The following SNRPN variants were observed in gnomAD, a reference collection of about 807,000 sequenced individuals.
SNRPN encodes the protein small nuclear ribonucleoprotein polypeptide N, also known as small nuclear ribonucleoprotein-associated protein N.
A neutral mutation model predicts 25.2 loss-of-function variants in SNRPN; 7 were observed. The observed-to-expected ratio is 0.28, with a 90% CI of 0.16 to 0.52. The LOEUF is 0.52. SNRPN is among the 20% of genes least tolerant of loss of function. SNRPN has a pLI of 0.96. For synonymous variants in SNRPN, 124 were observed against 110.6 expected (o/e 1.12, Z -0.76); for missense variants, 196 against 322.5 (o/e 0.61, Z 3.00).
intron 2 of SNRPN, among the ~76,000 whole-genome samples, chr15:24,838,406 G>C (rs946725213): frequency 3.9e-5 from 6 of 152,050 alleles, no homozygotes; most frequent in African/African-American, 1.5e-4. Flanking sequence ...AGTTTATAGA[G>C]TTTCAACAAA....
chr15:24,885,819 A>G (rs1171030555), intron 1 of SNRPN, among the ~76,000 whole-genome samples: 1 of 151,350 alleles, frequency 6.6e-6, no homozygotes, highest in Non-Finnish European at 1.5e-5. Context: ...CCATATTTTT[A>G]CTATCAGGAT....
At chr15:24,955,154 C>A in intron 1 of SNRPN, 92 bp downstream of exon 1, 1 of 1,548,406 alleles carries the variant, frequency 6.5e-7, no homozygotes. Flanking sequence ...ACTTGGAGTA[C>A]TGAATAAACG....
At chr15:24,977,723 T>G in intron 7 of SNRPN, 55 bp from the exon 8 acceptor site, 1 of 1,496,696 alleles carries the variant, frequency 6.7e-7, no homozygotes, top group Non-Finnish European at 9.0e-7. Context: ...TTTTCTGTGT[T>G]TGAATAATGT....
In SNRPN at chr15:24,978,507, GTGTT is replaced by G. The variant is rs2077318570; in HGVS notation, c.*67_*70del. 4 of 1,444,302 alleles carry G rather than the reference GTGTT, an allele frequency of 2.8e-6. No individual in the cohort carries two copies. Among genetic ancestry groups the G allele is most frequent in the East Asian group, 2.3e-5 (1 of 44,092 alleles). The allele number at this position is 1,444,302 out of a possible 1,614,324, so 89.5% of individuals were successfully genotyped here. On this transcript the variant is annotated 3_prime_UTR_variant, in exon 10 of 10. Coordinates refer to ENST00000390687, the MANE Select transcript of SNRPN (RefSeq NM_003097.6). Reference sequence around the variant, plus strand: ...AATGCGTCTTGTGAAATTGTGTAGAGTGTTTGTGAGCTTTTTGTTCCCTCATTCT... The same window carrying G: ...AATGCGTCTTGTGAAATTGTGTAGAGTGTGAGCTTTTTGTTCCCTCATTCT...
chr15:24,910,399 C>T (rs2059136773), intron 2 of SNRPN, among the ~76,000 whole-genome samples: 1 of 152,104 alleles, frequency 6.6e-6, no homozygotes, highest in African/African-American at 2.4e-5. Context: ...AGGAGGGTTG[C>T]TTCAGCACAG....
chr15:24,956,634 G>T (rs1472560359), intron 1 of SNRPN, among the ~76,000 whole-genome samples: 12 of 152,218 alleles, frequency 7.9e-5, no homozygotes, highest in Non-Finnish European at 1.8e-4. Flanking sequence ...TGCCTGGAAG[G>T]AATGGCAGCC....
chr15:24,971,251 C>T (rs1216176397), intron 3 of SNRPN, among the ~76,000 whole-genome samples: 2 of 152,328 alleles, frequency 1.3e-5, no homozygotes, highest in South Asian at 2.1e-4. Context: ...TACACTATGA[C>T]TGCTCATCCA....
chr15:24,925,896 G>A (rs951958717), intron 3 of SNRPN, among the ~76,000 whole-genome samples: 4 of 152,120 alleles, frequency 2.6e-5, no homozygotes, highest in South Asian at 2.1e-4. Context: ...AACCACACCC[G>A]GCTAATTTTT....
intron 2 of SNRPN, among the ~76,000 whole-genome samples, chr15:24,846,825 A>C (rs1222634530): frequency 6.6e-6 from 1 of 152,168 alleles, no homozygotes; most frequent in African/African-American, 2.4e-5. Context: ...CTAAGGTTCT[A>C]TTCAGCTACT....
chr15:24,842,135 C>A (rs1355360824), intron 2 of SNRPN, among the ~76,000 whole-genome samples: 1 of 152,128 alleles, frequency 6.6e-6, no homozygotes, highest in African/African-American at 2.4e-5. Flanking sequence ...TATTGCCCCT[C>A]CCACTTTGCC....
At chr15:24,914,299 T>C (rs1019328559) in intron 2 of SNRPN, among the ~76,000 whole-genome samples, 13 of 152,100 alleles carry the variant, frequency 8.5e-5, no homozygotes, top group African/African-American at 3.1e-4. Flanking sequence ...GAGGAAATAA[T>C]TTTCACCCTA....
intron 2 of SNRPN, among the ~76,000 whole-genome samples, chr15:24,916,602 G>A (rs2059539400): frequency 6.6e-6 from 1 of 152,146 alleles, no homozygotes; most frequent in Admixed American, 6.5e-5. Context: ...ATACATTGGT[G>A]TTTGTTTCTA....
At chr15:24,902,027 T>G (rs949863229) in intron 2 of SNRPN, among the ~76,000 whole-genome samples, 1 of 152,216 alleles carries the variant, frequency 6.6e-6, no homozygotes, top group Non-Finnish European at 1.5e-5. Flanking sequence ...GATCTAATAT[T>G]ATTTTTGGAC....
chr15:24,899,526 A>C (rs1009713135), intron 2 of SNRPN, among the ~76,000 whole-genome samples: 2 of 152,218 alleles, frequency 1.3e-5, no homozygotes, highest in Non-Finnish European at 2.9e-5. Context: ...GCCTTTCTCC[A>C]GCACTATATT....
intron 1 of SNRPN, among the ~76,000 whole-genome samples, chr15:24,956,808 C>T (rs1303734031): frequency 3.3e-5 from 5 of 152,266 alleles, no homozygotes; most frequent in African/African-American, 1.2e-4. Flanking sequence ...TGGCTAGAGG[C>T]CAGGCATTTG....
intron 3 of SNRPN, among the ~76,000 whole-genome samples, chr15:24,928,696 G>A (rs1041864226): frequency 5.9e-5 from 9 of 151,936 alleles, no homozygotes; most frequent in African/African-American, 2.2e-4. Context: ...GCATAAGCAC[G>A]GCTCACTGCA....
chr15:24,868,035 A>G (rs1393099913), intron 1 of SNRPN, among the ~76,000 whole-genome samples: 1 of 152,100 alleles, frequency 6.6e-6, no homozygotes, highest in Admixed American at 6.6e-5. Context: ...ACAGTTTGTT[A>G]AAAACAAAAA....
chr15:24,840,729 G>T (rs2051615677), intron 2 of SNRPN, among the ~76,000 whole-genome samples: 1 of 152,204 alleles, frequency 6.6e-6, no homozygotes, highest in Non-Finnish European at 1.5e-5. Context: ...GCAGCCAGGG[G>T]CTTGCCTGTA....
chr15:24,904,981 C>CA, intron 2 of SNRPN, among the ~76,000 whole-genome samples: 1 of 146,926 alleles, frequency 6.8e-6, no homozygotes, highest in Non-Finnish European at 1.5e-5. Flanking sequence ...GGCGTGGTGG[C>CA]ATGTGCCTGT....
Sources: allele counts gnomAD v4.1 joint callset (sites outside exome capture counted in the v4.1 genomes callset), GRCh38; gene constraint gnomAD v4.1.1; transcripts MANE v1.5; gene names NCBI Gene and HGNC (gene_info 2026-07-23, HGNC 2026-07-21).